STPG2: variants seen among roughly 807,000 people sequenced by gnomAD.
The protein encoded by STPG2 is sperm tail PG-rich repeat containing 2.
STPG2 carries 56 observed loss-of-function variants against 54.2 expected under a neutral mutation model. That is an observed-to-expected ratio of 1.03 (90% CI 0.83 to 1.29). The LOEUF is 1.29. Ranked by LOEUF, STPG2 falls within the 50% of genes most tolerant of loss-of-function variation. The probability of loss-of-function intolerance (pLI) is 0.00; values close to 1 mark genes in which losing one functional copy is unlikely to be tolerated. For synonymous variants in STPG2, 200 were observed against 181.8 expected (o/e 1.10, Z -0.81); for missense variants, 596 against 544.9 (o/e 1.09, Z -0.93).
chr4:97,939,125 AT>A (rs563088180), intron 8 of STPG2, among the ~76,000 whole-genome samples: 6 of 152,172 alleles, frequency 3.9e-5, no homozygotes, highest in African/African-American at 7.2e-5. Context: ...ATTTTGAGTG[AT>A]TTTTTTATAG....
chr4:97,858,031 C>T lies in STPG2; in HGVS notation c.1045-17099G>A, dbSNP rs1316351536. Among the ~76,000 whole-genome samples the T allele has an allele frequency of 2.6e-5, 4 of 151,984 alleles. No homozygotes were observed. The East Asian group carries it at 7.8e-4, about 29-fold the overall frequency. ...AAAAAATTAATAAAAAACAATAAAG[C>T]ATACCTCCAAGATCTATAAAATAGT... On this transcript the variant is annotated intron_variant, in intron 8 of 10. Transcript: ENST00000295268.
At position 98,083,455 on chromosome 4, in the gene STPG2, CTA is replaced by C. The variant is rs758199665; in HGVS notation, c.612+22496_612+22497del. The stretch of plus-strand genomic sequence containing the variant: ...GAAATTCTTGGAAAATATGAAAACA[CTA>C]TTATAATGGGGAAAATACCCAAGAT... On this transcript the variant is annotated intron_variant, in intron 5 of 10. Transcript: ENST00000295268. Among the ~76,000 whole-genome samples, 125 of 152,088 alleles carry C rather than the reference CTA, an allele frequency of 8.2e-4. 1 individual carries two copies. Among genetic ancestry groups the C allele is most frequent in the Non-Finnish European group, 1.5e-3 (100 of 67,984 alleles).
chr4:97,764,651 G>T (rs1725986230), intron 9 of STPG2, among the ~76,000 whole-genome samples: 1 of 152,090 alleles, frequency 6.6e-6, no homozygotes, highest in African/African-American at 2.4e-5. Flanking sequence ...CAAGAAGAGG[G>T]TGGAGTAATT....
At chr4:98,027,965 T>C in intron 5 of STPG2, among the ~76,000 whole-genome samples, 1 of 152,146 alleles carries the variant, frequency 6.6e-6, no homozygotes, top group East Asian at 1.9e-4. Flanking sequence ...GTCTCCTACA[T>C]CTGTCATGGG....
chr4:98,129,918 C>A (rs1208964841), intron 2 of STPG2, among the ~76,000 whole-genome samples: 1 of 152,168 alleles, frequency 6.6e-6, no homozygotes, highest in Non-Finnish European at 1.5e-5. Context: ...AGTGCAGTGG[C>A]ATGATCTCCG....
chr4:97,876,209 A>C (rs1730164618), intron 8 of STPG2, among the ~76,000 whole-genome samples: 1 of 152,070 alleles, frequency 6.6e-6, no homozygotes, highest in Admixed American at 6.6e-5. Context: ...AATCCCCTTA[A>C]GTATGCACTA....
In STPG2 at chr4:97,833,665, A is replaced by G. The variant is rs138069413; in HGVS notation, c.1204+7108T>C. ...TAACTTAAACAAATTTACAATAAAA[A>G]AAAATAACCCCATCAAAAAGTGGGT... On this transcript the variant is annotated intron_variant, in intron 9 of 10. Coordinates refer to ENST00000295268, the MANE Select transcript of STPG2 (RefSeq NM_174952.3). 8.1e-3 allele frequency among the ~76,000 whole-genome samples: 1,239 copies of G among 152,330 alleles called. 23 individuals carry two copies. The highest frequency in any genetic ancestry group is 0.014 in the Admixed American group (221 of 15,296).
intron 9 of STPG2, among the ~76,000 whole-genome samples, chr4:97,831,147 A>G (rs1728444849): frequency 6.6e-6 from 1 of 152,196 alleles, no homozygotes; most frequent in South Asian, 2.1e-4. Context: ...AGCAAATGCA[A>G]AACAATGGAA....
chr4:97,535,531 G>A (rs1731509261), intron 4 of STPG2, among the ~76,000 whole-genome samples: 1 of 151,944 alleles, frequency 6.6e-6, no homozygotes, highest in Admixed American at 6.6e-5. Flanking sequence ...ATAGAATATT[G>A]GAGTGACTTT....
chr4:97,509,245 C>T (rs568162087), intron 4 of STPG2, among the ~76,000 whole-genome samples: 10 of 151,436 alleles, frequency 6.6e-5, no homozygotes, highest in Non-Finnish European at 1.0e-4. Context: ...TTTTTTTTCC[C>T]CAGAATTCTT....
intron 8 of STPG2, among the ~76,000 whole-genome samples, chr4:97,925,956 G>C (rs1732317053): frequency 6.6e-6 from 1 of 152,086 alleles, no homozygotes; most frequent in Non-Finnish European, 1.5e-5. Flanking sequence ...GGCATTTCCT[G>C]TATCACTACC....
chr4:97,678,668 A>C (rs1388411276), intron 10 of STPG2, among the ~76,000 whole-genome samples: 1 of 151,616 alleles, frequency 6.6e-6, no homozygotes, highest in African/African-American at 2.4e-5. Flanking sequence ...GTACATGTGC[A>C]CAATGTGCAG....
At chr4:98,010,703 T>A (rs564774111) in intron 5 of STPG2, among the ~76,000 whole-genome samples, 1 of 152,158 alleles carries the variant, frequency 6.6e-6, no homozygotes, top group African/African-American at 2.4e-5. Flanking sequence ...TTTTGTAGAA[T>A]CCATTGTTTC....
chr4:97,540,563 C>T (rs753624797), intron 4 of STPG2, among the ~76,000 whole-genome samples: 5 of 152,150 alleles, frequency 3.3e-5, no homozygotes, highest in Non-Finnish European at 7.3e-5. Context: ...GGAGCTGGTA[C>T]CATTCCTTCT....
intron 4 of STPG2, among the ~76,000 whole-genome samples, chr4:97,473,367 C>T (rs974564782): frequency 6.6e-6 from 1 of 152,080 alleles, no homozygotes; most frequent in African/African-American, 2.4e-5. Flanking sequence ...TGAGGGTAGG[C>T]CTCGAAAATG....
intron 5 of STPG2, among the ~76,000 whole-genome samples, chr4:98,000,261 A>G (rs148346728): frequency 0.01 from 1,566 of 152,210 alleles, 30 homozygotes; most frequent in African/African-American, 0.036. Context: ...CTGTTATGTC[A>G]TCTTATAATA....
chr4:98,091,316 A>G (rs916962162), intron 5 of STPG2, among the ~76,000 whole-genome samples: 2 of 151,976 alleles, frequency 1.3e-5, no homozygotes, highest in African/African-American at 4.8e-5. Flanking sequence ...TGAGATTACA[A>G]ATCTGTTCAT....
intron 4 of STPG2, among the ~76,000 whole-genome samples, chr4:97,465,998 A>C (rs1164184807): frequency 6.6e-6 from 1 of 152,132 alleles, no homozygotes; most frequent in Non-Finnish European, 1.5e-5. Context: ...TTTAGAGTTT[A>C]GGAAAGAAAA....
intron 8 of STPG2, among the ~76,000 whole-genome samples, chr4:97,901,668 T>C (rs1216231927): frequency 1.3e-5 from 2 of 151,628 alleles, no homozygotes; most frequent in Admixed American, 6.6e-5. Flanking sequence ...ATAAAAGAAA[T>C]AGAAGATACA....
Sources: gnomAD v4.1 joint callset for allele counts (sites outside exome capture counted in the v4.1 genomes callset) on GRCh38, gnomAD v4.1.1 for gene constraint, MANE v1.5 for transcripts, NCBI Gene and HGNC (gene_info 2026-07-23, HGNC 2026-07-21) for gene names.